JAKMIP3: variants seen among roughly 807,000 people sequenced by gnomAD.
JAKMIP3 encodes janus kinase and microtubule-interacting protein 3.
JAKMIP3 carries 58 observed loss-of-function variants against 118.5 expected under a neutral mutation model. The observed-to-expected ratio is 0.49, with a 90% CI of 0.40 to 0.61. The LOEUF is 0.61. Ranked by LOEUF, JAKMIP3 falls within the 20% of genes least tolerant of loss-of-function variation. JAKMIP3 has a pLI of 0.00. For synonymous variants in JAKMIP3, 486 were observed against 451.2 expected (o/e 1.08, Z -0.98); for missense variants, 950 against 1,109.0 (o/e 0.86, Z 2.04).
intron 1 of JAKMIP3, among the ~76,000 whole-genome samples, chr10:132,095,997 A>AG (rs1385244015): frequency 6.6e-6 from 1 of 152,038 alleles, no homozygotes; most frequent in East Asian, 1.9e-4. Context: ...GGAGAGCAGG[A>AG]GGGATCCAGC....
At chr10:132,153,106 G>A (rs2056516575) in intron 17 of JAKMIP3, 83 bp downstream of exon 17, 15 of 1,177,830 alleles carry the variant, frequency 1.3e-5, no homozygotes, top group East Asian at 2.6e-5. Context: ...TGGTGATCTC[G>A]GGAGGAGGGC....
At chr10:132,126,966 ACTATTCTCCTTTTT>A (rs2049687867) in intron 3 of JAKMIP3, among the ~76,000 whole-genome samples, 1 of 152,142 alleles carries the variant, frequency 6.6e-6, no homozygotes, top group African/African-American at 2.4e-5. Flanking sequence ...TGATTTTGGA[ACTATTCTCCTTTTT>A]CTATTCTCTC....
intron 19 of JAKMIP3, among the ~76,000 whole-genome samples, chr10:132,158,943 G>C (rs532583101): frequency 1.5e-5 from 2 of 132,640 alleles, no homozygotes; most frequent in African/African-American, 3.0e-5. Flanking sequence ...TGATGCTGGG[G>C]GGGGGGACCT....
Position 132,145,133 on chromosome 10 carries a change from G to A in JAKMIP3, c.1629G>A (p.Val543=), listed in dbSNP as rs1202854689. 6.2e-7 allele frequency: 1 copy of A among 1,612,442 alleles called. No homozygotes were observed. Among genetic ancestry groups the A allele is most frequent in the Non-Finnish European group, 8.5e-7 (1 of 1,179,784 alleles). Residue 543 remains valine (V), a synonymous_variant, in exon 12 of 24, where the codon GTG becomes GTA. Coordinates refer to ENST00000684848, the MANE Select transcript of JAKMIP3 (RefSeq NM_001323087.2). ...VKTREQLQAE[V]QRAQARIEDL... ...CCCGTGAGCAGCTACAAGCCGAAGT[G>A]CAGAGGGCACAGGCGCGGATAGAGG...
chr10:132,121,234 G>A (rs2048489108), intron 3 of JAKMIP3, among the ~76,000 whole-genome samples: 1 of 152,088 alleles, frequency 6.6e-6, no homozygotes, highest in Non-Finnish European at 1.5e-5. Context: ...CCCGGGCCTG[G>A]CAGGAGCTGC....
In JAKMIP3 at chr10:132,135,027, G is replaced by A. The variant is rs1340047976; in HGVS notation, c.850-14G>A. 1 of 1,611,670 alleles carries A rather than the reference G, an allele frequency of 6.2e-7. No individual in the cohort carries two copies. Among genetic ancestry groups the A allele is most frequent in the African/African-American group, 1.3e-5 (1 of 74,924 alleles). ...TGGGTAGGAACCGTTATTTGCAGTT[G>A]ATTTTTGTTTTAGGAACAGCAGTTG... On this transcript the variant is annotated splice_polypyrimidine_tract_variant and intron_variant, in intron 4 of 23. Transcript: ENST00000684848.
At chr10:132,090,502 G>A (rs2134400389) in intron 1 of JAKMIP3, among the ~76,000 whole-genome samples, 1 of 152,306 alleles carries the variant, frequency 6.6e-6, no homozygotes, top group African/African-American at 2.4e-5. Flanking sequence ...TTGCGTAGAG[G>A]TGTTTATAGT....
At chr10:132,143,298 G>A (rs1162225233) in intron 11 of JAKMIP3, among the ~76,000 whole-genome samples, 1 of 152,180 alleles carries the variant, frequency 6.6e-6, no homozygotes, top group African/African-American at 2.4e-5. Flanking sequence ...TCGGTTCAGA[G>A]CATCATAAAG....
intron 1 of JAKMIP3, among the ~76,000 whole-genome samples, chr10:132,081,099 T>C (rs1189453617): frequency 6.6e-6 from 1 of 152,224 alleles, no homozygotes; most frequent in African/African-American, 2.4e-5. Context: ...TTTAGGTCTT[T>C]GATCCATTTT....
chr10:132,096,671 C>A (rs2043907322), intron 1 of JAKMIP3, among the ~76,000 whole-genome samples: 1 of 151,966 alleles, frequency 6.6e-6, no homozygotes, highest in Admixed American at 6.6e-5. Context: ...CAGCCTTCTG[C>A]CTCTGGATAG....
At position 132,180,914 on chromosome 10, in the gene JAKMIP3, C is replaced by A. The variant is rs1022692740; in HGVS notation, c.*1104-1443C>A. ...GTGTATGTGTTGTGCATTGCATGTG[C>A]CTGTATGTGTATTTTGCATTGTGTG... On this transcript the variant is annotated intron_variant, in intron 23 of 23. Coordinates refer to ENST00000684848, the MANE Select transcript of JAKMIP3 (RefSeq NM_001323087.2). Among the ~76,000 whole-genome samples the A allele has an allele frequency of 3.3e-5, 5 of 151,906 alleles. No individual in the cohort carries two copies. In the East Asian group the frequency reaches 9.7e-4, roughly 29 times the overall value.
At position 132,141,857 on chromosome 10, in the gene JAKMIP3, CGGA is replaced by C. The variant is rs1201836948; in HGVS notation, c.1474-57_1474-55del. The C allele has an allele frequency of 1.9e-6, 3 of 1,543,680 alleles. No individual in the cohort carries two copies. The African/African-American group carries it at 4.1e-5, about 21-fold the overall frequency. On this transcript the variant is annotated intron_variant, in intron 10 of 23. Coordinates refer to ENST00000684848, the MANE Select transcript of JAKMIP3 (RefSeq NM_001323087.2). ...AAGGGAAGCCCCGGGGCCCCGCCAT[CGGA>C]GGAGGTGCTGGCTACTGACACTGTG...
intron 1 of JAKMIP3, among the ~76,000 whole-genome samples, chr10:132,089,745 G>C (rs1287195961): frequency 6.6e-6 from 1 of 152,126 alleles, no homozygotes; most frequent in Non-Finnish European, 1.5e-5. Flanking sequence ...CCAACACTAT[G>C]TTGAATAGGA....
chr10:132,150,597 CTCTG>C (rs550943001), intron 16 of JAKMIP3, among the ~76,000 whole-genome samples: 296 of 152,312 alleles, frequency 1.9e-3, no homozygotes, highest in Middle Eastern at 6.8e-3. Flanking sequence ...TTCATTCATG[CTCTG>C]TCTTATATCC....
intron 2 of JAKMIP3, among the ~76,000 whole-genome samples, chr10:132,108,852 TTATA>T (rs995741478): frequency 7.1e-6 from 1 of 139,972 alleles, no homozygotes; most frequent in Non-Finnish European, 1.5e-5. Context: ...AAAAAAAAAA[TTATA>T]TATATGTATA....
At chr10:132,074,288 G>C (rs887412988) in intron 1 of JAKMIP3, among the ~76,000 whole-genome samples, 1 of 152,186 alleles carries the variant, frequency 6.6e-6, no homozygotes, top group Admixed American at 6.5e-5. Context: ...CTGGCCTCAA[G>C]TGATCCACCC....
rs114732492 is a variant in JAKMIP3 at position 132,177,984 on chromosome 10, C to T, written c.*1104-4373C>T. ...TGTATGTGTGCACCTGCTCTTGTGC[C>T]CTGGGTAGTGTGTGTGTCTGTGCAC... On this transcript the variant is annotated intron_variant, in intron 23 of 23. Coordinates refer to ENST00000684848, the MANE Select transcript of JAKMIP3 (RefSeq NM_001323087.2). Among the ~76,000 whole-genome samples, 1,366 of 151,802 alleles carry T rather than the reference C, an allele frequency of 9.0e-3. 28 individuals carry two copies. The highest frequency in any genetic ancestry group is 0.031 in the African/African-American group (1,272 of 41,362).
chr10:132,122,182 CT>C (rs755595414), intron 3 of JAKMIP3, among the ~76,000 whole-genome samples: 15 of 152,244 alleles, frequency 9.9e-5, no homozygotes, highest in Non-Finnish European at 1.9e-4. Flanking sequence ...CCCAGCCCCC[CT>C]GGTCGGCTCC....
At chr10:132,119,831 G>C (rs1219343025) in intron 3 of JAKMIP3, among the ~76,000 whole-genome samples, 1 of 152,126 alleles carries the variant, frequency 6.6e-6, no homozygotes, top group African/African-American at 2.4e-5. Context: ...CAATGAACAC[G>C]TCAAAGATTT....
Sources: gnomAD v4.1 joint callset for allele counts (sites outside exome capture counted in the v4.1 genomes callset) on GRCh38, gnomAD v4.1.1 for gene constraint, MANE v1.5 for transcripts, NCBI Gene and HGNC (gene_info 2026-07-23, HGNC 2026-07-21) for gene names.